The following ZFP90 variants were observed in gnomAD, a reference collection of about 807,000 sequenced individuals.
ZFP90 encodes zinc finger protein 90 homolog.
In ZFP90, 38 loss-of-function variants were observed where a neutral mutation model predicts 60.8. The ratio of observed to expected loss-of-function variants is 0.62; its 90% CI spans 0.48 to 0.82. The LOEUF is 0.82. Among genes scored for constraint, ZFP90 ranks in the 40% least tolerant of loss-of-function variants. The pLI, the probability that ZFP90 is intolerant of heterozygous loss-of-function variation, is 0.00. For missense variants in ZFP90, 711 were observed against 759.1 expected, an observed-to-expected ratio of 0.94 and a Z score of 0.74; for synonymous variants, 287 against 264.8, an observed-to-expected ratio of 1.08 and a Z score of -0.82.
At position 68,566,454 on chromosome 16, in the gene ZFP90, T is replaced by A; in HGVS notation, c.*1756T>A. On this transcript the variant is annotated 3_prime_UTR_variant, in exon 5 of 5. Coordinates refer to ENST00000563169, the MANE Select transcript of ZFP90 (RefSeq NM_001305203.2). ...CACATAGCAGGATTCATTGCCTTTC[T>A]CTCATCATGGATGGCATGCAGCAGC... The A allele has an allele frequency of 1.0e-6, 1 of 984,856 alleles. No homozygotes were observed. The highest frequency in any genetic ancestry group is 1.2e-6 in the Non-Finnish European group (1 of 829,914). The allele number at this position is 984,856 out of a possible 1,614,324, so 61.0% of individuals were successfully genotyped here.
Position 68,564,849 on chromosome 16 carries a change from T to TTTG in ZFP90, c.*153_*154insGTT. 4 of 1,407,306 alleles carry TTTG rather than the reference T, an allele frequency of 2.8e-6. No individual in the cohort carries two copies. Among genetic ancestry groups the TTTG allele is most frequent in the Non-Finnish European group, 3.7e-6 (4 of 1,087,196 alleles). The allele number at this position is 1,407,306 out of a possible 1,614,324, so 87.2% of individuals were successfully genotyped here. A position where few individuals can be genotyped will look rare whatever the true frequency, so the allele number is the denominator to read the frequency against. ...AAACTGCCAGTAGACAGATTTTTTTTTTTTAACATAAAGACACATTCTCAG... is the reference window on the plus strand; with the variant it reads ...AAACTGCCAGTAGACAGATTTTTTTTTTGTTTTAACATAAAGACACATTCTCAG... On this transcript the variant is annotated 3_prime_UTR_variant, in exon 5 of 5. Transcript: ENST00000563169.
intron 2 of ZFP90, among the ~76,000 whole-genome samples, chr16:68,534,229 C>CTTTTTTTTTTTTTTTTTTTTTTTTTT (rs1555496914): frequency 7.4e-6 from 1 of 135,148 alleles, no homozygotes; most frequent in African/African-American, 2.8e-5. Flanking sequence ...GATTTTCTTT[C>CTTTTTTTTTTTTTTTTTTTTTTTTTT]TTTCTTTTTT....
At chr16:68,536,494 A>G (rs1307586662), upstream of ZFP90, among the ~76,000 whole-genome samples, 2 of 152,024 alleles carry the variant, frequency 1.3e-5, no homozygotes, top group African/African-American at 4.8e-5. Flanking sequence ...TGTAGAAACA[A>G]GGTCTCACTA....
chr16:68,573,101 A>T (rs555861067), intron 2 of ZFP90, among the ~76,000 whole-genome samples: 2 of 152,342 alleles, frequency 1.3e-5, no homozygotes, highest in Admixed American at 1.3e-4. Flanking sequence ...TCAGATGGGA[A>T]GCTCAGATTG....
chr16:68,566,714 A>G lies in ZFP90; in HGVS notation c.*2016A>G. On this transcript the variant is annotated 3_prime_UTR_variant, in exon 5 of 5. Coordinates refer to ENST00000563169, the MANE Select transcript of ZFP90 (RefSeq NM_001305203.2). Reference sequence around the variant, plus strand: ...CTGATACATAGTTTGACAATGGGTAATTCTACTCAGACCCTCCCTACTGAT... The same window carrying G: ...CTGATACATAGTTTGACAATGGGTAGTTCTACTCAGACCCTCCCTACTGAT... The G allele has an allele frequency of 3.0e-6, 3 of 985,550 alleles. No individual in the cohort carries two copies. The highest frequency in any genetic ancestry group is 3.6e-6 in the Non-Finnish European group (3 of 829,930). 61.1% of individuals were successfully genotyped at this position (985,550 alleles called of 1,614,324 possible). A position where few individuals can be genotyped will look rare whatever the true frequency, so the allele number is the denominator to read the frequency against.
chr16:68,546,739 A>G (rs1226116631), intron 2 of ZFP90, among the ~76,000 whole-genome samples: 3 of 152,132 alleles, frequency 2.0e-5, no homozygotes, highest in Non-Finnish European at 4.4e-5. Flanking sequence ...CTCGAACTCC[A>G]GACCTCAAGT....
At chr16:68,556,391 A>G (rs1597736517) in intron 2 of ZFP90, among the ~76,000 whole-genome samples, 4 of 152,174 alleles carry the variant, frequency 2.6e-5, no homozygotes, top group Non-Finnish European at 4.4e-5. Flanking sequence ...AAGACCTTTG[A>G]CCTAGCCGTT....
intron 2 of ZFP90, among the ~76,000 whole-genome samples, chr16:68,550,270 A>AT (rs2091237591): frequency 6.6e-6 from 1 of 151,912 alleles, no homozygotes; most frequent in Admixed American, 6.6e-5. Flanking sequence ...ATTTTATTTT[A>AT]TTTATTTGAA....
At chr16:68,574,926 CAAAA>C (rs10658760) in intron 2 of ZFP90, among the ~76,000 whole-genome samples, 4 of 103,616 alleles carry the variant, frequency 3.9e-5, no homozygotes, top group East Asian at 2.9e-4. Flanking sequence ...GACCCTGTCT[CAAAA>C]AAAAAAAAAA....
intron 2 of ZFP90, among the ~76,000 whole-genome samples, chr16:68,548,027 A>G (rs2091183314): frequency 6.6e-6 from 1 of 152,024 alleles, no homozygotes; most frequent in Admixed American, 6.6e-5. Flanking sequence ...GAGTTTCACC[A>G]TGTCGGTCAG....
intron 2 of ZFP90, 54 bp downstream of exon 2, chr16:68,539,879 C>T (rs753141228): frequency 1.8e-4 from 278 of 1,585,784 alleles, no homozygotes; most frequent in Non-Finnish European, 2.3e-4. Flanking sequence ...TCCATCCCAT[C>T]TCCCAAGGGT....
intron 2 of ZFP90, among the ~76,000 whole-genome samples, chr16:68,572,658 G>A (rs994544498): frequency 6.6e-6 from 1 of 152,184 alleles, no homozygotes; most frequent in African/African-American, 2.4e-5. Flanking sequence ...AGGGGTGGGG[G>A]ACTTGGGCAC....
intron 4 of ZFP90, 59 bp downstream of exon 4, chr16:68,558,627 G>C (rs2091386182): frequency 5.4e-6 from 8 of 1,487,294 alleles, no homozygotes; most frequent in African/African-American, 1.4e-5. Context: ...AACTTAGGGA[G>C]GGGGAGATAC....
intron 2 of ZFP90, among the ~76,000 whole-genome samples, chr16:68,575,302 G>A (rs1034618917): frequency 5.3e-5 from 8 of 152,160 alleles, no homozygotes; most frequent in African/African-American, 4.8e-5. Context: ...GTTCATACCC[G>A]CATTTGACAG....
chr16:68,556,143 C>G (rs1053290674), intron 2 of ZFP90, among the ~76,000 whole-genome samples: 2 of 152,094 alleles, frequency 1.3e-5, no homozygotes, highest in African/African-American at 4.8e-5. Flanking sequence ...GGACTCCAAG[C>G]TGGGTGAGAG....
At position 68,565,358 on chromosome 16, in the gene ZFP90, G is replaced by C. The variant is rs1801430924; in HGVS notation, c.*660G>C. 4 of 985,572 alleles carry C rather than the reference G, an allele frequency of 4.1e-6. No individual in the cohort carries two copies. The highest frequency in any genetic ancestry group is 4.8e-6 in the Non-Finnish European group (4 of 829,938). The allele number at this position is 985,572 out of a possible 1,614,324, so 61.1% of individuals were successfully genotyped here. On this transcript the variant is annotated 3_prime_UTR_variant, in exon 5 of 5. Coordinates refer to ENST00000563169, the MANE Select transcript of ZFP90 (RefSeq NM_001305203.2). ...CAGAGGGCTTTAAAATAAATTTTAA[G>C]ATGTATCAGATACACAAACATTTAA...
rs1318438874 is a variant in ZFP90 at position 68,558,534 on chromosome 16, A to G, written c.222A>G (p.Ile74Met). ...TGGAGCAAGGAGAAGAGCCATGGAT[A>G]TCAGAGGGAGAAATCCAACGACCTT... The part of the protein sequence containing the change: ...FKLEQGEEPW[I>M]SEGEIQRPFY... Residue 74 changes from isoleucine (I) to methionine (M), a missense_variant, in exon 4 of 5, where the codon ATA becomes ATG. Transcript: ENST00000563169. 3 of 1,614,094 alleles carry G rather than the reference A, an allele frequency of 1.9e-6. No homozygotes were observed. Among genetic ancestry groups the G allele is most frequent in the Non-Finnish European group, 2.5e-6 (3 of 1,180,004 alleles).
Position 68,539,748 on chromosome 16 carries a change from TTC to T in ZFP90, c.-35-7_-35-6del, listed in dbSNP as rs1380779042. On this transcript the variant is annotated splice_region_variant and splice_polypyrimidine_tract_variant and intron_variant, in intron 1 of 4. Transcript: ENST00000563169. ...CAGCGGGGTGAGTGGGCCCTGTCCTTTCTCCCCAGCTCCTGCCCCGGAGCCGG... is the reference window on the plus strand; with the variant it reads ...CAGCGGGGTGAGTGGGCCCTGTCCTTTCCCCAGCTCCTGCCCCGGAGCCGG... 6.5e-7 allele frequency: 1 copy of T among 1,547,716 alleles called. No homozygotes were observed. Among genetic ancestry groups the T allele is most frequent in the Non-Finnish European group, 8.7e-7 (1 of 1,146,152 alleles).
Position 68,539,744 on chromosome 16 carries a change from T to C in ZFP90, c.-35-14T>C, listed in dbSNP as rs780498261. On this transcript the variant is annotated splice_polypyrimidine_tract_variant and intron_variant, in intron 1 of 4. Transcript: ENST00000563169. ...GTTGCAGCGGGGTGAGTGGGCCCTG[T>C]CCTTTCTCCCCAGCTCCTGCCCCGG... 6.5e-6 allele frequency: 10 copies of C among 1,542,132 alleles called. No individual in the cohort carries two copies. The African/African-American group carries it at 1.4e-4, about 21-fold the overall frequency.
Sources: gnomAD v4.1 joint callset for allele counts (sites outside exome capture counted in the v4.1 genomes callset) on GRCh38, gnomAD v4.1.1 for gene constraint, MANE v1.5 for transcripts, NCBI Gene and HGNC (gene_info 2026-07-23, HGNC 2026-07-21) for gene names.